Variants in KLRD1 observed in about 807,000 individuals in gnomAD.
The protein encoded by KLRD1 is natural killer cells antigen CD94.
A neutral mutation model predicts 22.6 loss-of-function variants in KLRD1; 21 were observed. That is an observed-to-expected ratio of 0.93 (90% CI 0.66 to 1.34). KLRD1 has a LOEUF of 1.34. Among genes scored for constraint, KLRD1 ranks in the 40% most tolerant of loss-of-function variants. The probability of loss-of-function intolerance (pLI) is 0.00; values close to 1 mark genes in which losing one functional copy is unlikely to be tolerated. For missense variants in KLRD1, 183 were observed against 208.6 expected (o/e 0.88, Z 0.76); for synonymous variants, 59 against 71.1 (o/e 0.83, Z 0.85).
rs1175061884 is a variant in KLRD1, at chr12:10,327,440, G to A, written c.*12647G>A. 6.6e-6 allele frequency: 1 copy of A among 152,088 alleles called. No individual in the cohort carries two copies. Among genetic ancestry groups the A allele is most frequent in the Non-Finnish European group, 1.5e-5 (1 of 68,014 alleles). 9.4% of individuals were successfully genotyped at this position (152,088 alleles called of 1,614,324 possible). ...TTCCTAATTCTAAAATGCCATTGAGGTCTTGATAGGTATTGCACTAAATCT... is the reference window on the plus strand; with the variant it reads ...TTCCTAATTCTAAAATGCCATTGAGATCTTGATAGGTATTGCACTAAATCT... On this transcript the variant is annotated 3_prime_UTR_variant, in exon 6 of 6. Coordinates refer to ENST00000336164, the MANE Select transcript of KLRD1 (RefSeq NM_002262.5).
rs1369632842 is a variant in KLRD1 at position 10,328,884 on chromosome 12, C to T, written c.*14091C>T. ...AACACATGTCTCACATGGCGGCAGA[C>T]AAGAGAGAATGAAAGCCAAGCCAAA... On this transcript the variant is annotated 3_prime_UTR_variant, in exon 6 of 6. Transcript: ENST00000336164. 1 of 152,194 alleles carries T rather than the reference C, an allele frequency of 6.6e-6. No homozygotes were observed. Among genetic ancestry groups the T allele is most frequent in the Non-Finnish European group, 1.5e-5 (1 of 68,098 alleles). 9.4% of individuals were successfully genotyped at this position (152,194 alleles called of 1,614,324 possible).
chr12:10,273,312 G>T (rs1314493267), intron 1 of KLRD1, among the ~76,000 whole-genome samples: 2 of 152,126 alleles, frequency 1.3e-5, no homozygotes, highest in South Asian at 4.1e-4. Context: ...TATTTTGGTA[G>T]AAAGAATTCT....
chr12:10,298,572 C>T (rs549720081), intron 1 of KLRD1, among the ~76,000 whole-genome samples: 1 of 152,346 alleles, frequency 6.6e-6, no homozygotes, highest in African/African-American at 2.4e-5. Context: ...TCGTGATGGC[C>T]TTGACGCCTA....
intron 1 of KLRD1, among the ~76,000 whole-genome samples, chr12:10,283,999 A>G (rs1172794149): frequency 1.4e-5 from 2 of 144,644 alleles, no homozygotes; most frequent in Non-Finnish European, 3.0e-5. Context: ...AACATGGTGA[A>G]ATCTCATCTC....
chr12:10,283,890 T>C (rs1949671038), intron 1 of KLRD1, among the ~76,000 whole-genome samples: 2 of 152,190 alleles, frequency 1.3e-5, no homozygotes, highest in South Asian at 4.2e-4. Context: ...AAGTAAGACT[T>C]GTTGGCTGGG....
At chr12:10,301,375 A>T (rs1352946820), upstream of KLRD1, among the ~76,000 whole-genome samples, 1 of 152,202 alleles carries the variant, frequency 6.6e-6, no homozygotes. Context: ...GCCCGGTGAG[A>T]AACTGACACA....
At chr12:10,239,991 G>T (rs944156180) in intron 1 of KLRD1, among the ~76,000 whole-genome samples, 40 of 151,896 alleles carry the variant, frequency 2.6e-4, no homozygotes, top group African/African-American at 8.9e-4. Context: ...TTTCACCATA[G>T]TAATCTGCTC....
At chr12:10,246,447 T>C (rs933422829) in intron 1 of KLRD1, among the ~76,000 whole-genome samples, 3 of 152,190 alleles carry the variant, frequency 2.0e-5, no homozygotes, top group Non-Finnish European at 2.9e-5. Context: ...CAGGTTCTTA[T>C]ACAGTTCAGA....
intron 1 of KLRD1, among the ~76,000 whole-genome samples, chr12:10,262,249 C>G (rs986725476): frequency 2.6e-5 from 4 of 151,968 alleles, no homozygotes; most frequent in African/African-American, 9.7e-5. Flanking sequence ...GGGACTGGAG[C>G]TCAATGCTTC....
intron 1 of KLRD1, among the ~76,000 whole-genome samples, chr12:10,276,852 A>T (rs1949596912): frequency 6.6e-6 from 1 of 152,186 alleles, no homozygotes; most frequent in Non-Finnish European, 1.5e-5. Context: ...CTTTTTAAAA[A>T]TTTTAATTAT....
intron 1 of KLRD1, among the ~76,000 whole-genome samples, chr12:10,243,738 C>T (rs1421291982): frequency 6.7e-6 from 1 of 149,826 alleles, no homozygotes; most frequent in Non-Finnish European, 1.5e-5. Context: ...AGCCATCGAA[C>T]TAGGATAAGA....
At chr12:10,284,252 A>G (rs1346189126) in intron 1 of KLRD1, among the ~76,000 whole-genome samples, 1 of 152,208 alleles carries the variant, frequency 6.6e-6, no homozygotes, top group Non-Finnish European at 1.5e-5. Flanking sequence ...TTCTGTGAAG[A>G]GATTCAACTT....
chr12:10,280,724 A>G (rs1258798893), intron 1 of KLRD1, among the ~76,000 whole-genome samples: 1 of 152,094 alleles, frequency 6.6e-6, no homozygotes, highest in East Asian at 1.9e-4. Flanking sequence ...AGACTGTGTG[A>G]TACAGTTGTC....
chr12:10,266,700 T>G (rs1324127652), intron 1 of KLRD1, among the ~76,000 whole-genome samples: 1 of 151,932 alleles, frequency 6.6e-6, no homozygotes, highest in Non-Finnish European at 1.5e-5. Flanking sequence ...CACATATATA[T>G]GTACACACAT....
intron 1 of KLRD1, among the ~76,000 whole-genome samples, chr12:10,249,340 G>A (rs1387778352): frequency 3.3e-5 from 5 of 152,112 alleles, no homozygotes; most frequent in Non-Finnish European, 7.4e-5. Context: ...AAACAGTATT[G>A]AATTGCAAAC....
chr12:10,296,471 G>A (rs998097494), intron 1 of KLRD1, among the ~76,000 whole-genome samples: 12 of 152,078 alleles, frequency 7.9e-5, no homozygotes, highest in African/African-American at 2.7e-4. Flanking sequence ...AGCCGAAATT[G>A]CACCACCACA....
chr12:10,280,740 T>C (rs1949633122), intron 1 of KLRD1, among the ~76,000 whole-genome samples: 2 of 152,140 alleles, frequency 1.3e-5, no homozygotes, highest in South Asian at 4.1e-4. Flanking sequence ...TTGTCAGAGC[T>C]CAGCTGCACA....
chr12:10,243,285 C>T (rs1285954361), intron 1 of KLRD1, among the ~76,000 whole-genome samples: 2 of 151,918 alleles, frequency 1.3e-5, no homozygotes, highest in Non-Finnish European at 2.9e-5. Context: ...CACATCAAAC[C>T]CCCGAAATAT....
At chr12:10,263,738 C>T (rs1297625041) in intron 1 of KLRD1, among the ~76,000 whole-genome samples, 2 of 152,034 alleles carry the variant, frequency 1.3e-5, no homozygotes, top group African/African-American at 4.8e-5. Context: ...GTACCAGATG[C>T]ATTGCTAGAC....
Sources: gnomAD v4.1 joint callset for allele counts (sites outside exome capture counted in the v4.1 genomes callset) on GRCh38, gnomAD v4.1.1 for gene constraint, MANE v1.5 for transcripts, NCBI Gene and HGNC (gene_info 2026-07-23, HGNC 2026-07-21) for gene names.